The following SLC35E4 variants were observed in gnomAD, a reference collection of about 807,000 sequenced individuals.
SLC35E4 encodes solute carrier family 35, member E4.
SLC35E4 carries 15 observed loss-of-function variants against 19.3 expected under a neutral mutation model. The observed-to-expected ratio is 0.78, with a 90% CI of 0.52 to 1.20. The LOEUF (loss-of-function observed/expected upper bound fraction) is 1.20, where lower values mean the gene tolerates loss of function less well. Ranked by LOEUF, SLC35E4 falls within the 50% of genes most tolerant of loss-of-function variation. The pLI, the probability that SLC35E4 is intolerant of heterozygous loss-of-function variation, is 0.00. For missense variants in SLC35E4, 406 were observed against 472.3 expected (o/e 0.86, Z 1.30); for synonymous variants, 219 against 219.9 (o/e 1.00, Z 0.04).
At chr22:30,663,860 C>G, downstream of SLC35E4, 1 of 1,614,166 alleles carries the variant, frequency 6.2e-7, no homozygotes, top group Non-Finnish European at 8.5e-7. Flanking sequence ...CATTGATGAC[C>G]ATGGTGATCT....
downstream of SLC35E4, chr22:30,668,219 G>C (rs1322366326): frequency 6.5e-6 from 1 of 153,748 alleles, no homozygotes; most frequent in African/African-American, 2.4e-5. Context: ...CCTCTCGATA[G>C]GGCCGCCGCT....
exon 3 of SLC35E4, chr22:30,662,806 G>C (rs923051047): frequency 6.6e-6 from 1 of 152,390 alleles, no homozygotes; most frequent in Non-Finnish European, 1.5e-5. Flanking sequence ...TCTAGGATGG[G>C]TGACAGAGCA....
At chr22:30,654,127 C>G (rs1287036554) in intron 2 of SLC35E4, 2 of 229,228 alleles carry the variant, frequency 8.7e-6, no homozygotes, top group Non-Finnish European at 1.7e-5. Context: ...CTACGGGCGC[C>G]CGCCACCACG....
At chr22:30,652,690 T>G (rs2088246342), downstream of SLC35E4, among the ~76,000 whole-genome samples, 1 of 152,226 alleles carries the variant, frequency 6.6e-6, no homozygotes, top group South Asian at 2.1e-4. Context: ...AGGCCTCAGT[T>G]CCTTGCCATG....
Position 30,663,200 on chromosome 22 carries a change from C to T in SLC35E4, c.*1149C>T, listed in dbSNP as rs560958490. 4.0e-4 allele frequency: 203 copies of T among 508,846 alleles called. 1 individual carries two copies. Among genetic ancestry groups the T allele is most frequent in the African/African-American group, 3.5e-3 (182 of 52,296 alleles). The allele number at this position is 508,846 out of a possible 1,614,324, so 31.5% of individuals were successfully genotyped here. ...GGGCACCATCTGCCTCAACCTATCCCCTGGCCAGTGTCACTCACAGGGCAG... is the reference window on the plus strand; with the variant it reads ...GGGCACCATCTGCCTCAACCTATCCTCTGGCCAGTGTCACTCACAGGGCAG... On this transcript the variant is annotated 3_prime_UTR_variant, in exon 3 of 3. Coordinates refer to the SLC35E4 transcript ENST00000406566.
chr22:30,648,273 C>T (rs1056073202), downstream of SLC35E4, among the ~76,000 whole-genome samples: 16 of 152,162 alleles, frequency 1.1e-4, no homozygotes, highest in African/African-American at 3.9e-4. Context: ...TCTCCCTTCC[C>T]CTGGGCTCTG....
At chr22:30,642,596 C>G (rs552917942) in intron 1 of SLC35E4, among the ~76,000 whole-genome samples, 9 of 151,866 alleles carry the variant, frequency 5.9e-5, no homozygotes, top group African/African-American at 2.2e-4. Context: ...AAAAAATTAG[C>G]TGGGCATGCT....
At chr22:30,644,590 C>A (rs2088098174) in intron 1 of SLC35E4, among the ~76,000 whole-genome samples, 1 of 152,084 alleles carries the variant, frequency 6.6e-6, no homozygotes, top group Non-Finnish European at 1.5e-5. Context: ...ACAAAAAATA[C>A]AAAAATTTTC....
downstream of SLC35E4, chr22:30,663,920 A>ATAC: frequency 6.2e-7 from 1 of 1,614,208 alleles, no homozygotes; most frequent in Non-Finnish European, 8.5e-7. Flanking sequence ...CATTGCTGAT[A>ATAC]TACAGGCTTT....
chr22:30,643,029 CAAAAA>C (rs67770321), intron 1 of SLC35E4, among the ~76,000 whole-genome samples: 2 of 81,384 alleles, frequency 2.5e-5, no homozygotes, highest in Non-Finnish European at 5.1e-5. Flanking sequence ...GACTCCGTCT[CAAAAA>C]AAAAAAAAAA....
downstream of SLC35E4, chr22:30,667,418 T>A (rs1442147330): frequency 2.6e-5 from 4 of 152,198 alleles, no homozygotes; most frequent in Non-Finnish European, 4.4e-5. Flanking sequence ...GGCATTGGAA[T>A]AGGCTTCTTC....
intron 1 of SLC35E4, among the ~76,000 whole-genome samples, chr22:30,641,717 AAT>A (rs1491525691): frequency 1.4e-5 from 1 of 73,740 alleles, no homozygotes; most frequent in African/African-American, 5.7e-5. Flanking sequence ...GCTAATTTTT[AAT>A]TTTTTTTTTT....
chr22:30,663,460 C>T, downstream of SLC35E4: 1 of 1,611,710 alleles, frequency 6.2e-7, no homozygotes, highest in Non-Finnish European at 8.5e-7. Flanking sequence ...ATCAAACGGA[C>T]TTCCTTCTCA....
downstream of SLC35E4, chr22:30,664,199 A>AGTT: frequency 1.7e-6 from 1 of 601,778 alleles, no homozygotes; most frequent in Non-Finnish European, 3.0e-6. Flanking sequence ...TGACCATCAC[A>AGTT]GCAGAACTAC....
downstream of SLC35E4, chr22:30,665,641 A>G (rs781467929): frequency 3.9e-5 from 17 of 440,066 alleles, no homozygotes; most frequent in Non-Finnish European, 7.1e-5. Flanking sequence ...TCTTAGCCCT[A>G]TGTTCTCTCC....
chr22:30,654,587 C>T (rs773859472), intron 2 of SLC35E4: 12 of 459,904 alleles, frequency 2.6e-5, no homozygotes, highest in Non-Finnish European at 4.3e-5. Flanking sequence ...GCTGGGGACC[C>T]GGAAGTGGTG....
downstream of SLC35E4, chr22:30,665,565 T>C (rs745942924): frequency 6.4e-6 from 3 of 470,760 alleles, no homozygotes; most frequent in African/African-American, 4.0e-5. Context: ...TAAAGGTAAC[T>C]GTTTTAAGGG....
chr22:30,656,713 G>T (rs2088345071), intron 2 of SLC35E4, among the ~76,000 whole-genome samples: 1 of 152,150 alleles, frequency 6.6e-6, no homozygotes, highest in Non-Finnish European at 1.5e-5. Context: ...AACTGTTTGG[G>T]AAAAGGACGT....
At chr22:30,638,932 C>A (rs1199038092) in intron 1 of SLC35E4, among the ~76,000 whole-genome samples, 1 of 152,004 alleles carries the variant, frequency 6.6e-6, no homozygotes, top group Non-Finnish European at 1.5e-5. Context: ...CACCACTGCA[C>A]TCCAGCCTGG....
Sources: gnomAD v4.1 joint callset for allele counts (sites outside exome capture counted in the v4.1 genomes callset) on GRCh38, gnomAD v4.1.1 for gene constraint, MANE v1.5 for transcripts, NCBI Gene and HGNC (gene_info 2026-07-23, HGNC 2026-07-21) for gene names.